Variants in CHST9 observed in about 807,000 individuals in gnomAD.
The protein encoded by CHST9 is GalNAc-4-sulfotransferase 2.
A neutral mutation model predicts 44.4 loss-of-function variants in CHST9; 41 were observed. The observed-to-expected ratio is 0.92, with a 90% CI of 0.72 to 1.20. CHST9 has a LOEUF of 1.20. CHST9 is among the 50% of genes most tolerant of loss of function. The pLI is 0.00. For missense variants in CHST9, 504 were observed against 516.5 expected (o/e 0.98, Z 0.23); for synonymous variants, 171 against 178.4 (o/e 0.96, Z 0.33).
intron 5 of CHST9, among the ~76,000 whole-genome samples, chr18:26,926,471 T>C (rs1167298475): frequency 6.6e-6 from 1 of 152,246 alleles, no homozygotes; most frequent in Admixed American, 6.5e-5. Context: ...CCTTAATGTA[T>C]ATAAGTAGAT....
At chr18:27,084,288 G>A (rs1161986864) in intron 2 of CHST9, among the ~76,000 whole-genome samples, 4 of 151,754 alleles carry the variant, frequency 2.6e-5, no homozygotes. Context: ...GCTTTTTCTG[G>A]TCGGTAGGCA....
chr18:26,909,282 A>G lies in CHST9; in HGVS notation c.*6977T>C, dbSNP rs971365615. ...CAGAATGAAAAGAGCAGGTTGTATT[A>G]TCATTTATAATCAACCAGGACTTAA... is the stretch of plus-strand genomic sequence containing the variant. On this transcript the variant is annotated 3_prime_UTR_variant, in exon 6 of 6. Coordinates refer to ENST00000618847, the MANE Select transcript of CHST9 (RefSeq NM_031422.6). 1.3e-5 allele frequency: 2 copies of G among 152,242 alleles called. No individual in the cohort carries two copies. The highest frequency in any genetic ancestry group is 4.8e-5 in the African/African-American group (2 of 41,462). 9.4% of individuals were successfully genotyped at this position (152,242 alleles called of 1,614,324 possible). A position where few individuals can be genotyped will look rare whatever the true frequency, so the allele number is the denominator to read the frequency against.
chr18:27,141,865 T>C (rs1353008911), intron 2 of CHST9, among the ~76,000 whole-genome samples: 1 of 152,002 alleles, frequency 6.6e-6, no homozygotes, highest in Non-Finnish European at 1.5e-5. Flanking sequence ...ATGGAAACCA[T>C]CAGAACTTCA....
At chr18:27,151,714 G>A (rs2058660863) in intron 1 of CHST9, among the ~76,000 whole-genome samples, 1 of 152,118 alleles carries the variant, frequency 6.6e-6, no homozygotes, top group Non-Finnish European at 1.5e-5. Flanking sequence ...ATAAAGAAAG[G>A]GAACCATGAG....
chr18:27,074,591 T>G (rs1246320636), intron 2 of CHST9, among the ~76,000 whole-genome samples: 1 of 152,132 alleles, frequency 6.6e-6, no homozygotes, highest in Non-Finnish European at 1.5e-5. Context: ...ACTACCTGTC[T>G]TCCCCTACTC....
chr18:27,029,186 A>T (rs915726261), intron 3 of CHST9, among the ~76,000 whole-genome samples: 1 of 152,198 alleles, frequency 6.6e-6, no homozygotes, highest in African/African-American at 2.4e-5. Context: ...AAGAAACCAC[A>T]AAGTGATTAA....
At chr18:26,948,946 A>T (rs2056204442) in intron 4 of CHST9, among the ~76,000 whole-genome samples, 1 of 151,950 alleles carries the variant, frequency 6.6e-6, no homozygotes, top group East Asian at 1.9e-4. Context: ...AGGTGTGGGG[A>T]TGGAATGTGG....
rs1342679385 is a variant in CHST9, at chr18:26,911,662, A to G, written c.*4597T>C. The G allele has an allele frequency of 6.6e-6, 1 of 152,176 alleles. No homozygotes were observed. The highest frequency in any genetic ancestry group is 2.4e-5 in the African/African-American group (1 of 41,436). The allele number at this position is 152,176 out of a possible 1,614,324, so 9.4% of individuals were successfully genotyped here. A position where few individuals can be genotyped will look rare whatever the true frequency, so the allele number is the denominator to read the frequency against. On this transcript the variant is annotated 3_prime_UTR_variant, in exon 6 of 6. Transcript: ENST00000618847. ...TGGAAAAAGATGACTGCTTAAATGG[A>G]TTTAAATACTTTTGCCTGGAAGCAT...
chr18:26,943,391 G>A (rs1010620094), intron 5 of CHST9, among the ~76,000 whole-genome samples: 7 of 152,198 alleles, frequency 4.6e-5, no homozygotes, highest in Non-Finnish European at 7.3e-5. Flanking sequence ...GGGATGGACT[G>A]ACAATAGGAA....
intron 1 of CHST9, among the ~76,000 whole-genome samples, chr18:27,161,845 C>G (rs948607354): frequency 6.6e-6 from 1 of 151,864 alleles, no homozygotes; most frequent in Non-Finnish European, 1.5e-5. Context: ...TTGAATTGAT[C>G]CCTTTACCAT....
chr18:27,114,071 A>T (rs780590136), intron 2 of CHST9, among the ~76,000 whole-genome samples: 1 of 152,240 alleles, frequency 6.6e-6, no homozygotes, highest in Non-Finnish European at 1.5e-5. Flanking sequence ...TGATGTAAAT[A>T]CAGCAGAGGA....
chr18:26,917,885 T>TTC (rs1555667658), intron 5 of CHST9, among the ~76,000 whole-genome samples: 13 of 151,850 alleles, frequency 8.6e-5, no homozygotes, highest in Non-Finnish European at 4.4e-5. Flanking sequence ...ATTTTTTTTT[T>TTC]CCTGGGAAAA....
chr18:27,154,002 G>T (rs1052572368), intron 1 of CHST9, among the ~76,000 whole-genome samples: 1 of 152,178 alleles, frequency 6.6e-6, no homozygotes, highest in Admixed American at 6.6e-5. Flanking sequence ...AGGCTAAGCT[G>T]AGAAACCTGT....
At chr18:26,930,089 C>G (rs577167741) in intron 5 of CHST9, among the ~76,000 whole-genome samples, 5 of 152,326 alleles carry the variant, frequency 3.3e-5, no homozygotes, top group East Asian at 3.9e-4. Context: ...ACACACGCCC[C>G]TCTGGCTTAT....
At chr18:27,071,635 A>G (rs1439739675) in intron 2 of CHST9, among the ~76,000 whole-genome samples, 1 of 152,132 alleles carries the variant, frequency 6.6e-6, no homozygotes, top group Non-Finnish European at 1.5e-5. Flanking sequence ...CTCAATTCAA[A>G]AACTTTGTTG....
At chr18:27,178,589 C>T (rs940934057) in intron 1 of CHST9, among the ~76,000 whole-genome samples, 6 of 151,900 alleles carry the variant, frequency 3.9e-5, no homozygotes, top group African/African-American at 1.4e-4. Context: ...GATCCTACAC[C>T]CTCCTGTATG....
intron 1 of CHST9, among the ~76,000 whole-genome samples, chr18:27,161,183 G>C (rs2058744081): frequency 6.6e-6 from 1 of 152,054 alleles, no homozygotes; most frequent in African/African-American, 2.4e-5. Flanking sequence ...TGCTTCTCTA[G>C]TTCTTTTAAT....
chr18:27,080,806 G>T (rs150510832), intron 2 of CHST9, among the ~76,000 whole-genome samples: 1 of 152,156 alleles, frequency 6.6e-6, no homozygotes, highest in African/African-American at 2.4e-5. Flanking sequence ...CCAGGCAAAT[G>T]GTCATGTCTT....
At position 26,960,068 on chromosome 18, in the gene CHST9, A is replaced by G. The variant is rs368856124; in HGVS notation, c.203-15702T>C. On this transcript the variant is annotated intron_variant, in intron 4 of 5. Coordinates refer to ENST00000618847, the MANE Select transcript of CHST9 (RefSeq NM_031422.6). ...GGAAATAGGTCCAATTTAAAGAAGT[A>G]AGTTTGGTGAGCAACAGAGGAGGTG... Among the ~76,000 whole-genome samples the G allele has an allele frequency of 9.6e-4, 146 of 152,318 alleles. 2 individuals carry two copies. In the South Asian group the frequency reaches 0.029, roughly 31 times the overall value.
Sources: allele counts gnomAD v4.1 joint callset (sites outside exome capture counted in the v4.1 genomes callset), GRCh38; gene constraint gnomAD v4.1.1; transcripts MANE v1.5; gene names NCBI Gene and HGNC (gene_info 2026-07-23, HGNC 2026-07-21).